Variants in TEP1 observed in about 807,000 individuals in gnomAD.
TEP1 encodes telomerase associated protein 1.
A neutral mutation model predicts 306.3 loss-of-function variants in TEP1; 241 were observed. That is an observed-to-expected ratio of 0.79 (90% CI 0.71 to 0.88). TEP1 has a LOEUF of 0.88. Ranked by LOEUF, TEP1 falls within the 40% of genes least tolerant of loss-of-function variation. The pLI, the probability that TEP1 is intolerant of heterozygous loss-of-function variation, is 0.00. For missense variants in TEP1, 3,051 were observed against 3,276.1 expected (o/e 0.93, Z 1.68); for synonymous variants, 1,289 against 1,305.5 (o/e 0.99, Z 0.27).
intron 4 of TEP1, 74 bp downstream of exon 4, chr14:20,405,377 C>CCCACCCTAACCCACCACACA: frequency 6.4e-7 from 1 of 1,567,410 alleles, no homozygotes; most frequent in Non-Finnish European, 8.7e-7. Flanking sequence ...CTAGTCACCA[C>CCCACCCTAACCCACCACACA]CCCGCCACAC....
At chr14:20,375,727 T>A in intron 43 of TEP1, 28 bp downstream of exon 43, 1 of 1,539,336 alleles carries the variant, frequency 6.5e-7, no homozygotes, top group Non-Finnish European at 9.0e-7. Context: ...CCAGCTGGGC[T>A]CTGTGCCACC....
intron 17 of TEP1, 89 bp downstream of exon 17, chr14:20,389,147 TAA>T (rs74346293): frequency 3.7e-3 from 3,805 of 1,026,952 alleles, no homozygotes; most frequent in South Asian, 4.6e-3. Flanking sequence ...GATTCTGTCT[TAA>T]AAAAAAAAAA....
At chr14:20,399,621 G>A (rs1170298731) in intron 9 of TEP1, among the ~76,000 whole-genome samples, 5 of 128,810 alleles carry the variant, frequency 3.9e-5, no homozygotes, top group Non-Finnish European at 7.8e-5. Flanking sequence ...ACAAAGTGAG[G>A]CCCTGTTTCT....
chr14:20,393,763 C>G (rs185918146), intron 12 of TEP1, among the ~76,000 whole-genome samples: 1 of 144,366 alleles, frequency 6.9e-6, no homozygotes. Context: ...GCCTGGGTGA[C>G]GAAGTGGGAC....
At chr14:20,369,882 T>G (rs961012977) in intron 51 of TEP1, 103 bp from the exon 52 acceptor site, 7 of 846,572 alleles carry the variant, frequency 8.3e-6, no homozygotes, top group Admixed American at 2.8e-5. Context: ...ATTTTTTTTT[T>G]TTTTAACTAC....
At position 20,405,590 on chromosome 14, in the gene TEP1, G is replaced by C; in HGVS notation, c.736-5C>G. 6.2e-7 allele frequency: 1 copy of C among 1,613,226 alleles called. No homozygotes were observed. Among genetic ancestry groups the C allele is most frequent in the Non-Finnish European group, 8.5e-7 (1 of 1,179,552 alleles). On this transcript the variant is annotated splice_region_variant and splice_polypyrimidine_tract_variant and intron_variant, in intron 3 of 54. Coordinates refer to ENST00000262715, the MANE Select transcript of TEP1 (RefSeq NM_007110.5). Reference sequence around the variant, plus strand: ...CAGCAAGCTCAGTAGAGCCATCTGGGAATTGAGAAAGAGGGAAGAAATGAG... The same window carrying C: ...CAGCAAGCTCAGTAGAGCCATCTGGCAATTGAGAAAGAGGGAAGAAATGAG...
At chr14:20,388,710 G>A (rs918457084) in intron 17 of TEP1, among the ~76,000 whole-genome samples, 8 of 152,184 alleles carry the variant, frequency 5.3e-5, no homozygotes, top group Non-Finnish European at 8.8e-5. Flanking sequence ...CTGGAGCTCA[G>A]GCAGACATAT....
chr14:20,395,339 A>T, intron 12 of TEP1, 111 bp downstream of exon 12: 2 of 1,137,836 alleles, frequency 1.8e-6, no homozygotes, highest in African/African-American at 1.5e-5. Flanking sequence ...CACTGCGATG[A>T]CTGACAAGCA....
In TEP1 at chr14:20,390,769, G is replaced by A; in HGVS notation, c.2257-11C>T. ...ATTTTCATCAAACTCCTGAAGGAAA[G>A]AGACTTCATGTTATGTGGTTGCACA... On this transcript the variant is annotated splice_polypyrimidine_tract_variant and intron_variant, in intron 14 of 54. Coordinates refer to ENST00000262715, the MANE Select transcript of TEP1 (RefSeq NM_007110.5). 1 of 1,614,100 alleles carries A rather than the reference G, an allele frequency of 6.2e-7. No homozygotes were observed. The highest frequency in any genetic ancestry group is 8.5e-7 in the Non-Finnish European group (1 of 1,179,922).
Position 20,368,502 on chromosome 14 carries a change from T to C in TEP1, c.7819A>G (p.Asn2607Asp). 6.2e-7 allele frequency: 1 copy of C among 1,614,144 alleles called. No individual in the cohort carries two copies. Among genetic ancestry groups the C allele is most frequent in the Non-Finnish European group, 8.5e-7 (1 of 1,180,024 alleles). Residue 2607 changes from asparagine to aspartate, a missense_variant, in exon 55 of 55, where the codon AAC becomes GAC. Around this residue, in one of 3 missense-constraint regions of TEP1, gnomAD observed 1,540 missense variants for 1,705.9 expected, o/e 0.90. Transcript: ENST00000262715. ...VSCLEPWLGA[N>D]STLQLAVGDV... ...CCCACGGCAAGCTGCAGGGTGGAGTTAGCGCCCAGCCAAGGTTCCAGGCAG... is the reference window on the plus strand; with the variant it reads ...CCCACGGCAAGCTGCAGGGTGGAGTCAGCGCCCAGCCAAGGTTCCAGGCAG...
At chr14:20,411,949 A>C in intron 1 of TEP1, among the ~76,000 whole-genome samples, 1 of 151,960 alleles carries the variant, frequency 6.6e-6, no homozygotes. Context: ...CTCTATTTAA[A>C]AAAAAAAAGG....
intron 25 of TEP1, 35 bp from the exon 26 acceptor site, chr14:20,383,679 A>AG (rs764978589): frequency 8.8e-6 from 14 of 1,599,626 alleles, no homozygotes; most frequent in East Asian, 2.3e-5. Context: ...TCAGTGGGAG[A>AG]GAAAAAAAAA....
intron 7 of TEP1, 27 bp downstream of exon 7, chr14:20,403,350 T>C (rs370407027): frequency 2.2e-5 from 35 of 1,613,342 alleles, no homozygotes; most frequent in South Asian, 8.8e-5. Flanking sequence ...TACATGCACA[T>C]ATACAACCCC....
rs552578880 is a variant in TEP1, at chr14:20,384,071, C to G, written c.3501G>C (p.Thr1167=). ...MLPHGRLSLV[T]GQSGQGKTAF... ...CTGTCTTGCCCTGTCCTGACTGCCC[C>G]GTCACCAGGCTCAGCCTTCCGTGGG... is the stretch of plus-strand genomic sequence containing the variant. Residue 1167 remains threonine, a synonymous_variant, in exon 24 of 55, where the codon ACG becomes ACC. Coordinates refer to ENST00000262715, the MANE Select transcript of TEP1 (RefSeq NM_007110.5). 2.5e-6 allele frequency: 4 copies of G among 1,612,774 alleles called. No individual in the cohort carries two copies. In the East Asian group the frequency reaches 8.9e-5, roughly 36 times the overall value.
At chr14:20,377,782 A>G in intron 39 of TEP1, 29 bp from the exon 40 acceptor site, 2 of 1,609,440 alleles carry the variant, frequency 1.2e-6, no homozygotes, top group South Asian at 2.2e-5. Flanking sequence ...GCTTAAGGAT[A>G]CCACCTCCAC....
At chr14:20,393,130 T>C (rs759370060) in intron 12 of TEP1, among the ~76,000 whole-genome samples, 1 of 151,248 alleles carries the variant, frequency 6.6e-6, no homozygotes, top group Non-Finnish European at 1.5e-5. Flanking sequence ...AGCAGGAGAA[T>C]GGTGTGAACC....
chr14:20,394,967 T>G (rs4982039), intron 12 of TEP1, among the ~76,000 whole-genome samples: 5,817 of 152,272 alleles, frequency 0.038, 151 homozygotes, highest in South Asian at 0.089. Flanking sequence ...ACAAAACAGA[T>G]GGTACATCTG....
chr14:20,408,735 G>C (rs1879404371), intron 1 of TEP1, among the ~76,000 whole-genome samples: 1 of 152,008 alleles, frequency 6.6e-6, no homozygotes, highest in Non-Finnish European at 1.5e-5. Flanking sequence ...TGGGAGCTGA[G>C]GCAAGAGGAT....
In TEP1 at chr14:20,387,949, C is replaced by T. The variant is rs776038163; in HGVS notation, c.2640G>A (p.Leu880=). The T allele has an allele frequency of 1.9e-6, 3 of 1,613,962 alleles. No homozygotes were observed. The South Asian group carries it at 3.3e-5, about 18-fold the overall frequency. ...GKTGVQSLRP[L]EEDTPSPLAP... ...CCAAGGGGCTTGGAGTGTCCTCTTC[C>T]AGTGGCCGGAGAGACTGGACCCCTG... is the stretch of plus-strand genomic sequence containing the variant. The change falls in exon 18 of 55, where the codon CTG becomes CTA. Residue 880 remains leucine, a synonymous_variant. Transcript: ENST00000262715.
Sources: allele counts gnomAD v4.1 joint callset (sites outside exome capture counted in the v4.1 genomes callset), GRCh38; gene constraint gnomAD v4.1.1; regional missense constraint gnomAD v4.1.1; transcripts MANE v1.5; gene names NCBI Gene and HGNC (gene_info 2026-07-23, HGNC 2026-07-21).